ADGRB3: variants seen among roughly 807,000 people sequenced by gnomAD.
ADGRB3 encodes brain-specific angiogenesis inhibitor 3.
ADGRB3 carries 37 observed loss-of-function variants against 193.4 expected under a neutral mutation model. The observed-to-expected ratio is 0.19, with a 90% CI of 0.15 to 0.25. The LOEUF (loss-of-function observed/expected upper bound fraction) is 0.25. Among genes scored for constraint, ADGRB3 ranks in the 10% least tolerant of loss-of-function variants. The probability of loss-of-function intolerance (pLI) is 1.00; values close to 1 mark genes in which losing one functional copy is unlikely to be tolerated. For missense variants in ADGRB3, 1,637 were observed against 1,852.9 expected, an observed-to-expected ratio of 0.88 and a Z score of 2.14; for synonymous variants, 690 against 644.2, an observed-to-expected ratio of 1.07 and a Z score of -1.08.
chr6:69,149,867 C>T (rs930675327), intron 17 of ADGRB3, among the ~76,000 whole-genome samples: 5 of 151,786 alleles, frequency 3.3e-5, no homozygotes, highest in Non-Finnish European at 7.4e-5. Flanking sequence ...TCGCTCTCTT[C>T]CCCTTACTTT....
intron 3 of ADGRB3, among the ~76,000 whole-genome samples, chr6:68,686,201 GAGA>G (rs1213925068): frequency 1.3e-5 from 2 of 151,784 alleles, no homozygotes; most frequent in Non-Finnish European, 1.5e-5. Flanking sequence ...TTGTTGTGTG[GAGA>G]AGGAGTCTCT....
chr6:68,836,355 T>C (rs2127385733), intron 3 of ADGRB3, among the ~76,000 whole-genome samples: 1 of 152,090 alleles, frequency 6.6e-6, no homozygotes, highest in East Asian at 1.9e-4. Flanking sequence ...TGCACCATTT[T>C]TTCTGCTTTC....
At chr6:68,793,396 A>T (rs1342490075) in intron 3 of ADGRB3, among the ~76,000 whole-genome samples, 1 of 152,110 alleles carries the variant, frequency 6.6e-6, no homozygotes, top group African/African-American at 2.4e-5. Context: ...GTGTATGTGT[A>T]TTACACATAT....
intron 17 of ADGRB3, among the ~76,000 whole-genome samples, chr6:69,094,423 G>T (rs1002164960): frequency 1.3e-5 from 2 of 152,212 alleles, no homozygotes; most frequent in Non-Finnish European, 2.9e-5. Context: ...GGTGCTTGTA[G>T]TGATGTTATA....
chr6:69,333,936 CAAAATAAAATAAAATAAAAT>C (rs70987461), intron 24 of ADGRB3, among the ~76,000 whole-genome samples: 13,416 of 109,984 alleles, frequency 0.12, 1,484 homozygotes, highest in East Asian at 0.31. Flanking sequence ...TCTCAAAAAA[CAAAATAAAATAAAATAAAAT>C]AAAATAAAAT....
At chr6:68,733,864 G>A (rs1407024857) in intron 3 of ADGRB3, among the ~76,000 whole-genome samples, 1 of 150,932 alleles carries the variant, frequency 6.6e-6, no homozygotes, top group East Asian at 1.9e-4. Context: ...TGTAATGTTG[G>A]ATTTTTTTGT....
rs146153348 is a variant in ADGRB3, at chr6:69,126,435, C to G, written c.2480+50397C>G. ...GGCCTCAGAACTGTGGAAGCCACTG[C>G]TGTCGTTCTCAGGCCAAAGGTCTAT... On this transcript the variant is annotated intron_variant, in intron 17 of 31. Transcript: ENST00000370598. Among the ~76,000 whole-genome samples the G allele has an allele frequency of 9.6e-3, 1,469 of 152,300 alleles. 12 individuals are homozygous for G. Among genetic ancestry groups the G allele is most frequent in the Non-Finnish European group, 0.014 (967 of 68,016 alleles).
Position 69,038,258 on chromosome 6 carries a change from A to C in ADGRB3, c.2108-9927A>C, listed in dbSNP as rs531512885. 2.6e-5 allele frequency among the ~76,000 whole-genome samples: 4 copies of C among 152,172 alleles called. No individual in the cohort carries two copies. In the South Asian group the frequency reaches 6.2e-4, roughly 24 times the overall value. ...CCTGCATTGGTGCCTAACTCCTCTT[A>C]GATTCCTGATTTATTTCTCTAATAA... On this transcript the variant is annotated intron_variant, in intron 13 of 31. Transcript: ENST00000370598.
At chr6:68,940,005 T>A (rs368336541) in intron 5 of ADGRB3, among the ~76,000 whole-genome samples, 1 of 152,204 alleles carries the variant, frequency 6.6e-6, no homozygotes, top group Non-Finnish European at 1.5e-5. Flanking sequence ...TCAATAGTGT[T>A]ATAAATTAGT....
At chr6:68,917,221 A>G (rs973732305) in intron 3 of ADGRB3, among the ~76,000 whole-genome samples, 5 of 152,232 alleles carry the variant, frequency 3.3e-5, no homozygotes, top group African/African-American at 1.2e-4. Flanking sequence ...CAGGAATCAT[A>G]GATAAATCCA....
intron 17 of ADGRB3, among the ~76,000 whole-genome samples, chr6:69,090,497 A>G (rs1772674476): frequency 6.6e-6 from 1 of 152,194 alleles, no homozygotes. Flanking sequence ...CCATTTACTC[A>G]TTCACTTTTT....
chr6:69,276,685 G>T, intron 20 of ADGRB3, among the ~76,000 whole-genome samples: 1 of 152,072 alleles, frequency 6.6e-6, no homozygotes, highest in East Asian at 1.9e-4. Context: ...ATGAATAAAC[G>T]AACAGGGTGC....
intron 17 of ADGRB3, among the ~76,000 whole-genome samples, chr6:69,092,571 T>C (rs1772740609): frequency 6.6e-6 from 1 of 152,178 alleles, no homozygotes; most frequent in African/African-American, 2.4e-5. Context: ...GTGAAAAAGA[T>C]TTTGTGTGCA....
At chr6:69,290,223 A>T (rs916350646) in intron 20 of ADGRB3, among the ~76,000 whole-genome samples, 1 of 152,254 alleles carries the variant, frequency 6.6e-6, no homozygotes, top group East Asian at 1.9e-4. Flanking sequence ...CCGGCCATTG[A>T]AATATAAAAT....
chr6:68,702,954 T>C (rs1765267294), intron 3 of ADGRB3, among the ~76,000 whole-genome samples: 1 of 152,202 alleles, frequency 6.6e-6, no homozygotes, highest in South Asian at 2.1e-4. Context: ...GCAGGGTATT[T>C]AAAATAGACC....
At chr6:69,304,286 T>C (rs1353794169) in intron 20 of ADGRB3, among the ~76,000 whole-genome samples, 1 of 151,682 alleles carries the variant, frequency 6.6e-6, no homozygotes, top group Admixed American at 6.6e-5. Flanking sequence ...TCCGTTTGTT[T>C]CCTACAGCCT....
At chr6:68,944,436 C>T (rs1367658227) in intron 6 of ADGRB3, among the ~76,000 whole-genome samples, 6 of 152,126 alleles carry the variant, frequency 3.9e-5, no homozygotes, top group Non-Finnish European at 7.4e-5. Flanking sequence ...GCTAGGGAAT[C>T]AGACTTTCTA....
intron 3 of ADGRB3, among the ~76,000 whole-genome samples, chr6:68,854,352 A>G (rs1410822668): frequency 6.6e-6 from 1 of 152,150 alleles, no homozygotes; most frequent in Non-Finnish European, 1.5e-5. Flanking sequence ...ATAATGATAT[A>G]TTGTATTTTA....
chr6:68,858,275 C>T (rs773213826), intron 3 of ADGRB3, among the ~76,000 whole-genome samples: 17 of 152,024 alleles, frequency 1.1e-4, no homozygotes, highest in East Asian at 3.9e-4. Flanking sequence ...GAGGCCAAGG[C>T]GGGTGGATCA....
Sources: allele counts gnomAD v4.1 joint callset (sites outside exome capture counted in the v4.1 genomes callset), GRCh38; gene constraint gnomAD v4.1.1; transcripts MANE v1.5; gene names NCBI Gene and HGNC (gene_info 2026-07-23, HGNC 2026-07-21).